Variants in FAM124A observed in about 807,000 individuals in gnomAD.
FAM124A encodes the protein protein FAM124A.
Under a neutral mutation model 24.5 loss-of-function variants are expected in FAM124A, and 23 were observed. The ratio of observed to expected loss-of-function variants is 0.94; its 90% CI spans 0.68 to 1.33. FAM124A has a LOEUF of 1.33. Among genes scored for constraint, FAM124A ranks in the 40% most tolerant of loss-of-function variants. The pLI is 0.00. For synonymous variants in FAM124A, 287 were observed against 314.7 expected, an observed-to-expected ratio of 0.91 and a Z score of 0.93; for missense variants, 623 against 722.8, an observed-to-expected ratio of 0.86 and a Z score of 1.58.
intron 2 of FAM124A, among the ~76,000 whole-genome samples, chr13:51,232,808 A>G (rs1954392442): frequency 1.3e-5 from 2 of 152,226 alleles, no homozygotes; most frequent in South Asian, 2.1e-4. Flanking sequence ...TTTCTAAAAT[A>G]CTTGTGTGAA....
intron 1 of FAM124A, among the ~76,000 whole-genome samples, chr13:51,228,219 G>A (rs1369666164): frequency 6.6e-6 from 1 of 151,944 alleles, no homozygotes. Flanking sequence ...ATATATATAT[G>A]TAGTATTCTG....
chr13:51,271,259 G>C (rs1315153593), intron 3 of FAM124A, among the ~76,000 whole-genome samples: 2 of 152,120 alleles, frequency 1.3e-5, no homozygotes, highest in African/African-American at 4.8e-5. Context: ...CATTATACAG[G>C]GCACAGTTTT....
At chr13:51,270,087 T>A (rs577795000) in intron 3 of FAM124A, among the ~76,000 whole-genome samples, 1 of 152,240 alleles carries the variant, frequency 6.6e-6, no homozygotes, top group South Asian at 2.1e-4. Flanking sequence ...GGACATGGGG[T>A]TCTGGCCTGT....
At chr13:51,244,557 G>C (rs1043031583) in intron 2 of FAM124A, among the ~76,000 whole-genome samples, 3 of 152,214 alleles carry the variant, frequency 2.0e-5, no homozygotes, top group Non-Finnish European at 4.4e-5. Flanking sequence ...TGTCCAGGAA[G>C]TTCTTTTGGA....
intron 3 of FAM124A, among the ~76,000 whole-genome samples, chr13:51,264,501 G>A (rs73195960): frequency 3.3e-5 from 5 of 151,994 alleles, no homozygotes; most frequent in African/African-American, 9.7e-5. Context: ...GCATACACCT[G>A]TAGTCCCAGT....
In FAM124A at chr13:51,251,868, C is replaced by T. The variant is rs1306818880; in HGVS notation, c.501C>T (p.Tyr167=). ...TPLWAIRPVH[Y]GKEIVRFTVY... ...TTTGGGCCATCCGGCCCGTGCACTACGGCAAGGAAATCGTGCGCTTCACCG... is the reference window on the plus strand; with the variant it reads ...TTTGGGCCATCCGGCCCGTGCACTATGGCAAGGAAATCGTGCGCTTCACCG... Residue 167 remains tyrosine (Y), a synonymous_variant, in exon 3 of 4, where the codon TAC becomes TAT. Transcript: ENST00000322475. The surrounding 1 kb of genome is among the most constrained non-coding windows in gnomAD (Gnocchi z 5.3). 1 of 1,613,630 alleles carries T rather than the reference C, an allele frequency of 6.2e-7. No homozygotes were observed. Among genetic ancestry groups the T allele is most frequent in the Admixed American group, 1.7e-5 (1 of 59,974 alleles).
At position 51,251,616 on chromosome 13, in the gene FAM124A, G is replaced by C; in HGVS notation, c.249G>C (p.Glu83Asp). Residue 83 changes from glutamate to aspartate, a missense_variant, in exon 3 of 4, where the codon GAG becomes GAC. Glu to Asp is a conservative substitution (Grantham distance 45). Transcript: ENST00000322475. This position sits in a 1 kb window ranked among gnomAD's most constrained non-coding sequence, Gnocchi z 5.3. ...ACCTCCCGCTGTTCCGGGTGTCCGA[G>C]AGGCGGGCGTCCCGGCGGCGGCGGA... The part of the protein sequence containing the change: ...HPDLPLFRVS[E>D]RRASRRRRKP... 1 of 1,567,360 alleles carries C rather than the reference G, an allele frequency of 6.4e-7. No individual in the cohort carries two copies. Among genetic ancestry groups the C allele is most frequent in the Admixed American group, 1.8e-5 (1 of 56,398 alleles).
At position 51,280,864 on chromosome 13, in the gene FAM124A, G is replaced by A. The variant is rs754774123; in HGVS notation, c.1249G>A (p.Gly417Ser). Residue 417 changes from glycine to serine, a missense_variant, in exon 4 of 4, where the codon GGC becomes AGC. Transcript: ENST00000322475. ...EGAQETDVDT[G>S]LRLSSSDLSV... ...GGCCCAGGAGACAGACGTGGACACA[G>A]GCCTGCGGCTGTCCTCATCGGACCT... 11 of 1,614,026 alleles carry A rather than the reference G, an allele frequency of 6.8e-6. No homozygotes were observed. Among genetic ancestry groups the A allele is most frequent in the Admixed American group, 1.7e-5 (1 of 60,008 alleles).
chr13:51,254,969 G>A (rs1211120897), intron 3 of FAM124A, among the ~76,000 whole-genome samples: 1 of 151,994 alleles, frequency 6.6e-6, no homozygotes, highest in East Asian at 1.9e-4. Context: ...AACAGAGACA[G>A]AAACCAAAGA....
At chr13:51,227,036 A>G (rs1267149821) in intron 1 of FAM124A, among the ~76,000 whole-genome samples, 1 of 152,178 alleles carries the variant, frequency 6.6e-6, no homozygotes, top group Non-Finnish European at 1.5e-5. Context: ...ATTATTTCTC[A>G]CCATACTATA....
chr13:51,259,130 A>G (rs1420376269), intron 3 of FAM124A, among the ~76,000 whole-genome samples: 1 of 152,090 alleles, frequency 6.6e-6, no homozygotes, highest in Non-Finnish European at 1.5e-5. Flanking sequence ...CTCTCATGAG[A>G]CCACTTGCTC....
At chr13:51,245,967 A>G (rs1954553434) in intron 2 of FAM124A, among the ~76,000 whole-genome samples, 1 of 152,254 alleles carries the variant, frequency 6.6e-6, no homozygotes, top group Admixed American at 6.5e-5. Flanking sequence ...CACTTTCTGC[A>G]TCATAGAAGG....
At position 51,251,841 on chromosome 13, in the gene FAM124A, G is replaced by A. The variant is rs200916097; in HGVS notation, c.474G>A (p.Pro158=). 5.3e-5 allele frequency: 85 copies of A among 1,610,650 alleles called. No homozygotes were observed. The East Asian group carries it at 1.7e-3, about 31-fold the overall frequency. ...QDFFTLAPGT[P]LWAIRPVHYG... Reference sequence around the variant, plus strand: ...TCTTCACGCTGGCCCCTGGGACGCCGCTTTGGGCCATCCGGCCCGTGCACT... The same window carrying A: ...TCTTCACGCTGGCCCCTGGGACGCCACTTTGGGCCATCCGGCCCGTGCACT... Residue 158 remains proline (P), a synonymous_variant, in exon 3 of 4, where the codon CCG becomes CCA. Transcript: ENST00000322475. The surrounding 1 kb of genome is among the most constrained non-coding windows in gnomAD (Gnocchi z 5.3).
intron 2 of FAM124A, among the ~76,000 whole-genome samples, chr13:51,236,025 C>T (rs2137655326): frequency 6.6e-6 from 1 of 152,336 alleles, no homozygotes; most frequent in East Asian, 1.9e-4. Flanking sequence ...TTTCCAGCTT[C>T]CTGCTCTGTC....
chr13:51,283,076 C>G lies in FAM124A; in HGVS notation c.*1820C>G, dbSNP rs984285561. ...TTTTTATTTGAGACGGGGTCTTGCT[C>G]TGTTGCCCAGGCTGGAGTGCAATGG... On this transcript the variant is annotated 3_prime_UTR_variant, in exon 4 of 4. Coordinates refer to ENST00000322475, the MANE Select transcript of FAM124A (RefSeq NM_001242312.2). 1.3e-5 allele frequency: 2 copies of G among 151,986 alleles called. No individual in the cohort carries two copies. The highest frequency in any genetic ancestry group is 4.8e-5 in the African/African-American group (2 of 41,370). The allele number at this position is 151,986 out of a possible 1,614,324, so 9.4% of individuals were successfully genotyped here.
intron 2 of FAM124A, among the ~76,000 whole-genome samples, chr13:51,245,730 G>T (rs181256791): frequency 6.6e-6 from 1 of 152,280 alleles, no homozygotes; most frequent in Non-Finnish European, 1.5e-5. Context: ...TCTTGAGCAG[G>T]TCAGTTAGTA....
At chr13:51,244,494 C>T (rs752036263) in intron 2 of FAM124A, among the ~76,000 whole-genome samples, 1 of 152,188 alleles carries the variant, frequency 6.6e-6, no homozygotes, top group Admixed American at 6.5e-5. Context: ...TCATATTAAT[C>T]GTTGCCCAAA....
intron 2 of FAM124A, among the ~76,000 whole-genome samples, chr13:51,246,446 T>G (rs1237066478): frequency 2.1e-5 from 3 of 145,946 alleles, no homozygotes; most frequent in Non-Finnish European, 4.5e-5. Context: ...AGCTTGAAGC[T>G]GCGTTCTGTG....
chr13:51,274,150 C>T (rs1443657381), intron 3 of FAM124A, among the ~76,000 whole-genome samples: 1 of 152,180 alleles, frequency 6.6e-6, no homozygotes, highest in East Asian at 1.9e-4. Context: ...AGATCAATAT[C>T]CATGTTGTTT....
Sources: gnomAD v4.1 joint callset for allele counts (sites outside exome capture counted in the v4.1 genomes callset) on GRCh38, gnomAD v4.1.1 for gene constraint, Gnocchi (gnomAD v3.1) non-coding constraint, MANE v1.5 for transcripts, NCBI Gene and HGNC (gene_info 2026-07-23, HGNC 2026-07-21) for gene names.